The following WNK2 variants were observed in gnomAD, a reference collection of about 807,000 sequenced individuals.
WNK2 encodes the protein serine/threonine-protein kinase WNK2.
WNK2 carries 67 observed loss-of-function variants against 192.1 expected under a neutral mutation model. The observed-to-expected ratio is 0.35, with a 90% CI of 0.29 to 0.43. WNK2 has a LOEUF of 0.43. Among genes scored for constraint, WNK2 ranks in the 20% least tolerant of loss-of-function variants. The pLI is 1.00. For missense variants in WNK2, 2,698 were observed against 3,089.7 expected (o/e 0.87, Z 3.01); for synonymous variants, 1,439 against 1,393.9 (o/e 1.03, Z -0.72).
chr9:93,284,055 G>A (rs1444128187), intron 19 of WNK2, among the ~76,000 whole-genome samples: 1 of 152,218 alleles, frequency 6.6e-6, no homozygotes, highest in African/African-American at 2.4e-5. Flanking sequence ...CCATCTCAGT[G>A]AGTGTCAACA....
chr9:93,222,649 T>C (rs1356522515), intron 2 of WNK2, among the ~76,000 whole-genome samples: 1 of 152,164 alleles, frequency 6.6e-6, no homozygotes, highest in African/African-American at 2.4e-5. Context: ...CCACTTTTAT[T>C]TGGTGGTGTC....
intron 2 of WNK2, among the ~76,000 whole-genome samples, chr9:93,213,180 G>A (rs1045204660): frequency 6.6e-6 from 1 of 152,164 alleles, no homozygotes; most frequent in Non-Finnish European, 1.5e-5. Context: ...GGATGGTTGT[G>A]CTTCTGCAAT....
At position 93,258,963 on chromosome 9, in the gene WNK2, G is replaced by A. The variant is rs753283002; in HGVS notation, c.2415G>A (p.Thr805=). Residue 805 remains threonine, a synonymous_variant, in exon 12 of 30, where the codon ACG becomes ACA. Coordinates refer to ENST00000427277, the MANE Select transcript of WNK2 (RefSeq NM_006648.4). ...MPPIPVVPPI[T]PLAGIDGLPP... is the part of the protein sequence containing the mutation. ...CGATTCCTGTTGTGCCCCCCATCAC[G>A]CCCCTGGCGGGAATCGACGGCCTCC... 4.3e-6 allele frequency: 7 copies of A among 1,612,072 alleles called. No individual in the cohort carries two copies. The highest frequency in any genetic ancestry group is 2.2e-5 in the East Asian group (1 of 44,816).
chr9:93,212,978 C>T (rs984218354), intron 2 of WNK2, among the ~76,000 whole-genome samples: 11 of 152,110 alleles, frequency 7.2e-5, no homozygotes, highest in East Asian at 1.9e-4. Flanking sequence ...GAGAAGTCCC[C>T]GTGGGCACCA....
chr9:93,285,383 A>T (rs966124569), intron 19 of WNK2, among the ~76,000 whole-genome samples: 5 of 152,230 alleles, frequency 3.3e-5, no homozygotes, highest in Non-Finnish European at 7.3e-5. Flanking sequence ...ATAAATTGGA[A>T]TTAATAAGTT....
At chr9:93,190,252 G>C (rs1303865469) in intron 2 of WNK2, among the ~76,000 whole-genome samples, 2 of 152,160 alleles carry the variant, frequency 1.3e-5, no homozygotes, top group Non-Finnish European at 2.9e-5. Context: ...TGGTGCTTCT[G>C]CCCCCCGAGT....
intron 2 of WNK2, among the ~76,000 whole-genome samples, chr9:93,197,275 C>G (rs181165054): frequency 3.5e-4 from 54 of 152,286 alleles, no homozygotes; most frequent in Non-Finnish European, 6.9e-4. Flanking sequence ...TCACCTCCAC[C>G]CCCTGCCGTG....
chr9:93,269,211 T>TCTGTAC (rs1554723567), intron 19 of WNK2, among the ~76,000 whole-genome samples: 1 of 150,728 alleles, frequency 6.6e-6, no homozygotes, highest in Non-Finnish European at 1.5e-5. Flanking sequence ...TGTGCATTGA[T>TCTGTAC]CTGCACCTGC....
intron 4 of WNK2, among the ~76,000 whole-genome samples, chr9:93,233,097 C>T (rs1839145842): frequency 6.7e-6 from 1 of 149,608 alleles, no homozygotes; most frequent in African/African-American, 2.5e-5. Flanking sequence ...ACTTGGGAGG[C>T]TGAGGTGGGA....
At chr9:93,243,674 C>A (rs1841171530) in intron 7 of WNK2, among the ~76,000 whole-genome samples, 1 of 152,200 alleles carries the variant, frequency 6.6e-6, no homozygotes, top group Non-Finnish European at 1.5e-5. Flanking sequence ...GGGCTCACTC[C>A]CCGGGAACAG....
At position 93,259,189 on chromosome 9, in the gene WNK2, C is replaced by A; in HGVS notation, c.2641C>A (p.Pro881Thr). 1 of 1,612,898 alleles carries A rather than the reference C, an allele frequency of 6.2e-7. No individual in the cohort carries two copies. The highest frequency in any genetic ancestry group is 8.5e-7 in the Non-Finnish European group (1 of 1,179,774). ...MPCRTIVPNA[P>T]ATIPLLAVAP... is the part of the protein sequence containing the mutation. The stretch of plus-strand genomic sequence containing the variant: ...CTGCCGGACCATTGTGCCAAATGCA[C>A]CGGCCACTATCCCCCTGCTGGCCGT... The change falls in exon 12 of 30, where the codon CCG (proline) becomes ACG (threonine). Residue 881 changes from proline (P) to threonine (T), a missense_variant. This residue lies in a region of WNK2 where 893 missense variants were observed against 909.0 expected (regional missense o/e 0.98). Coordinates refer to ENST00000427277, the MANE Select transcript of WNK2 (RefSeq NM_006648.4). This position sits in a 1 kb window ranked among gnomAD's most constrained non-coding sequence, Gnocchi z 4.8.
In WNK2 at chr9:93,259,710, C is replaced by G; in HGVS notation, c.3066+96C>G. The G allele has an allele frequency of 8.1e-7, 1 of 1,237,026 alleles. No individual in the cohort carries two copies. Among genetic ancestry groups the G allele is most frequent in the Non-Finnish European group, 1.1e-6 (1 of 918,452 alleles). 76.6% of individuals were successfully genotyped at this position (1,237,026 alleles called of 1,614,324 possible). Reference sequence around the variant, plus strand: ...AGGACAGAGGCAGGCAAGGAGGCAGCCCTGCCTGGGGTCGCCCCTCTCAGG... The same window carrying G: ...AGGACAGAGGCAGGCAAGGAGGCAGGCCTGCCTGGGGTCGCCCCTCTCAGG... On this transcript the variant is annotated intron_variant, in intron 12 of 29. Transcript: ENST00000427277. The surrounding 1 kb of genome is among the most constrained non-coding windows in gnomAD (Gnocchi z 4.8).
intron 19 of WNK2, among the ~76,000 whole-genome samples, chr9:93,273,236 C>T (rs1406327165): frequency 2.0e-5 from 3 of 152,226 alleles, no homozygotes; most frequent in Non-Finnish European, 2.9e-5. Flanking sequence ...TGGCTCATTG[C>T]AACCTCTGCC....
At chr9:93,292,465 C>T in intron 22 of WNK2, 26 bp from the exon 23 acceptor site, 3 of 1,610,392 alleles carry the variant, frequency 1.9e-6, no homozygotes, top group Non-Finnish European at 2.5e-6. Context: ...CACATGAAAC[C>T]TCTTCATCTC....
chr9:93,265,218 C>T (rs576242423), intron 16 of WNK2, among the ~76,000 whole-genome samples: 2 of 152,360 alleles, frequency 1.3e-5, no homozygotes, highest in East Asian at 1.9e-4. Context: ...ACTCCAAATG[C>T]AGCAGAGACC....
rs1176713191 is a variant in WNK2, at chr9:93,264,638, A to G, written c.3696+605A>G. ...AACTCTCCAGCTGAAAGCACGCACGAAGAAACATGGAAAGGATGTACATGT... is the reference window on the plus strand; with the variant it reads ...AACTCTCCAGCTGAAAGCACGCACGGAGAAACATGGAAAGGATGTACATGT... On this transcript the variant is annotated intron_variant, in intron 16 of 29. Coordinates refer to ENST00000427277, the MANE Select transcript of WNK2 (RefSeq NM_006648.4). Among the ~76,000 whole-genome samples, 10 of 152,210 alleles carry G rather than the reference A, an allele frequency of 6.6e-5. No homozygotes were observed. In the East Asian group the frequency reaches 1.5e-3, roughly 23 times the overall value.
intron 28 of WNK2, among the ~76,000 whole-genome samples, chr9:93,313,886 G>A (rs11999427): frequency 3.3e-5 from 5 of 152,104 alleles, no homozygotes; most frequent in Admixed American, 3.3e-4. Context: ...CCAGCACTTA[G>A]GGAGGCTGAG....
At chr9:93,232,316 G>T (rs371322366) in intron 4 of WNK2, among the ~76,000 whole-genome samples, 391 of 152,338 alleles carry the variant, frequency 2.6e-3, no homozygotes, top group African/African-American at 8.8e-3. Flanking sequence ...TTCTGGGGGA[G>T]CTGAGTGGTG....
Position 93,184,966 on chromosome 9 carries a change from A to G in WNK2, c.37A>G (p.Thr13Ala). The G allele has an allele frequency of 8.1e-7, 1 of 1,235,082 alleles. No homozygotes were observed. The highest frequency in any genetic ancestry group is 1.0e-6 in the Non-Finnish European group (1 of 991,760). 76.5% of individuals were successfully genotyped at this position (1,235,082 alleles called of 1,614,324 possible). ...TGGCGGCCGCCGAGACGTCCCCGGC[A>G]CGCTGATGGAGCCCGGGCGCGGCGC... is the stretch of plus-strand genomic sequence containing the variant. Reference protein sequence around the residue: ...GDGGRRDVPGTLMEPGRGAGP... With the variant: ...GDGGRRDVPGALMEPGRGAGP... The change falls in exon 2 of 30, where the codon ACG becomes GCG. Residue 13 changes from threonine (T) to alanine (A), a missense_variant. Physicochemically the swap from Thr to Ala is moderately conservative, Grantham distance 58 (BLOSUM62 0). Transcript: ENST00000427277.
Sources: gnomAD v4.1 joint callset for allele counts (sites outside exome capture counted in the v4.1 genomes callset) on GRCh38, gnomAD v4.1.1 for gene constraint, gnomAD v4.1.1 regional missense constraint, Gnocchi (gnomAD v3.1) non-coding constraint, MANE v1.5 for transcripts, NCBI Gene and HGNC (gene_info 2026-07-23, HGNC 2026-07-21) for gene names.